Variants in EVL observed in about 807,000 individuals in gnomAD.
EVL encodes Enah/Vasp-like.
EVL carries 21 observed loss-of-function variants against 59.6 expected under a neutral mutation model. That is an observed-to-expected ratio of 0.35 (90% CI 0.25 to 0.51). The LOEUF is 0.51. Ranked by LOEUF, EVL falls within the 20% of genes least tolerant of loss-of-function variation. EVL has a pLI of 0.97. For missense variants in EVL, 462 were observed against 546.6 expected (o/e 0.85, Z 1.54); for synonymous variants, 198 against 203.5 (o/e 0.97, Z 0.23).
intron 3 of EVL, among the ~76,000 whole-genome samples, chr14:100,117,155 G>A (rs1027151422): frequency 2.6e-5 from 4 of 152,166 alleles, no homozygotes; most frequent in African/African-American, 4.8e-5. Flanking sequence ...CACCCTTTGG[G>A]AAGAAGACTT....
chr14:99,974,663 C>G (rs61997245), intron 1 of EVL: 1 of 152,508 alleles, frequency 6.6e-6, no homozygotes, highest in Non-Finnish European at 1.5e-5. Flanking sequence ...CAAGGAATGC[C>G]GTGGGGCTTG....
At chr14:100,078,779 C>G (rs927723505) in intron 1 of EVL, among the ~76,000 whole-genome samples, 2 of 152,116 alleles carry the variant, frequency 1.3e-5, no homozygotes, top group African/African-American at 4.8e-5. Flanking sequence ...CGGGATTATC[C>G]CAGTTTTAGT....
intron 4 of EVL, among the ~76,000 whole-genome samples, chr14:100,125,015 C>T (rs1274124364): frequency 6.6e-6 from 1 of 151,874 alleles, no homozygotes; most frequent in Non-Finnish European, 1.5e-5. Context: ...CACACACACA[C>T]ACCTGCCCCA....
At chr14:100,022,768 G>T (rs2061148013) in intron 1 of EVL, among the ~76,000 whole-genome samples, 1 of 152,136 alleles carries the variant, frequency 6.6e-6, no homozygotes, top group Non-Finnish European at 1.5e-5. Flanking sequence ...ATTTTAACCA[G>T]AACTTAAGGA....
At chr14:100,027,315 G>C in intron 1 of EVL, among the ~76,000 whole-genome samples, 1 of 151,966 alleles carries the variant, frequency 6.6e-6, no homozygotes, top group African/African-American at 2.4e-5. Flanking sequence ...AACTCTTGTT[G>C]CCCTATTGTA....
chr14:100,002,482 G>C (rs112233123), intron 1 of EVL, among the ~76,000 whole-genome samples: 1 of 152,054 alleles, frequency 6.6e-6, no homozygotes, highest in Non-Finnish European at 1.5e-5. Context: ...AGTCATACCA[G>C]AATTATAGGA....
chr14:100,058,547 C>CA (rs1443073957), intron 1 of EVL, among the ~76,000 whole-genome samples: 1 of 152,220 alleles, frequency 6.6e-6, no homozygotes, highest in African/African-American at 2.4e-5. Context: ...AATTGCGTCA[C>CA]AAGTGCCAAC....
chr14:100,087,286 C>T (rs2062466050), intron 2 of EVL, among the ~76,000 whole-genome samples: 1 of 152,094 alleles, frequency 6.6e-6, no homozygotes, highest in African/African-American at 2.4e-5. Flanking sequence ...GGGTGACAAA[C>T]CTAAAGGATT....
intron 1 of EVL, among the ~76,000 whole-genome samples, chr14:100,048,863 T>C (rs2061600249): frequency 6.6e-6 from 1 of 152,218 alleles, no homozygotes; most frequent in Non-Finnish European, 1.5e-5. Flanking sequence ...GTTGTATGAT[T>C]CTATTAACAT....
intron 8 of EVL, among the ~76,000 whole-genome samples, chr14:100,134,466 A>T (rs10148930): frequency 6.6e-6 from 1 of 151,978 alleles, no homozygotes; most frequent in African/African-American, 2.4e-5. Flanking sequence ...CTTGTTTTTC[A>T]CAGGCCCCTG....
chr14:100,090,995 TA>T (rs1039609123), intron 2 of EVL, among the ~76,000 whole-genome samples: 10 of 152,108 alleles, frequency 6.6e-5, no homozygotes, highest in Non-Finnish European at 2.9e-5. Flanking sequence ...AGTAATATAA[TA>T]ATATATACTA....
At position 100,135,885 on chromosome 14, in the gene EVL, T is replaced by G; in HGVS notation, c.901-20T>G. 6.2e-7 allele frequency: 1 copy of G among 1,613,730 alleles called. No individual in the cohort carries two copies. The highest frequency in any genetic ancestry group is 8.5e-7 in the Non-Finnish European group (1 of 1,179,776). ...CCCCAGGTGGCCTTCCTAAACAGAC[T>G]CCCTTCTTCTCCATTTTAGGAAGAT... On this transcript the variant is annotated intron_variant, in intron 8 of 13. Coordinates refer to ENST00000392920, the MANE Select transcript of EVL (RefSeq NM_016337.3).
intron 1 of EVL, among the ~76,000 whole-genome samples, chr14:100,079,096 C>T (rs2062232494): frequency 6.6e-6 from 1 of 152,150 alleles, no homozygotes; most frequent in Non-Finnish European, 1.5e-5. Flanking sequence ...GGTCTTTCTC[C>T]GCAGGCCTGG....
intron 1 of EVL, among the ~76,000 whole-genome samples, chr14:100,015,714 G>C (rs1339538880): frequency 6.6e-6 from 1 of 152,160 alleles, no homozygotes; most frequent in Non-Finnish European, 1.5e-5. Flanking sequence ...TCTTCAGCTG[G>C]AACTATTCTA....
upstream of EVL, among the ~76,000 whole-genome samples, chr14:100,062,430 A>T (rs1419760335): frequency 6.9e-6 from 1 of 144,244 alleles, no homozygotes; most frequent in Non-Finnish European, 1.6e-5. Context: ...AAAGACCTCT[A>T]AAAAAAAAAG....
chr14:100,053,841 G>A (rs2140251216), intron 1 of EVL, among the ~76,000 whole-genome samples: 1 of 152,068 alleles, frequency 6.6e-6, no homozygotes, highest in East Asian at 1.9e-4. Flanking sequence ...GTAAAGACAG[G>A]GTTTCACCAT....
At chr14:100,030,771 T>C (rs547171215) in intron 1 of EVL, among the ~76,000 whole-genome samples, 1 of 152,376 alleles carries the variant, frequency 6.6e-6, no homozygotes, top group East Asian at 1.9e-4. Context: ...TACAGTGTTT[T>C]CTGGCTAACT....
At chr14:100,050,061 G>A (rs887798683) in intron 1 of EVL, among the ~76,000 whole-genome samples, 13 of 152,256 alleles carry the variant, frequency 8.5e-5, no homozygotes, top group African/African-American at 3.1e-4. Flanking sequence ...CGCTCAAGGG[G>A]ACACAGATAT....
At chr14:100,079,300 G>A (rs1406549703) in intron 1 of EVL, among the ~76,000 whole-genome samples, 2 of 152,232 alleles carry the variant, frequency 1.3e-5, no homozygotes, top group Non-Finnish European at 2.9e-5. Context: ...AAATGGAGAG[G>A]ATTGTGAGTA....
Sources: allele counts gnomAD v4.1 joint callset (sites outside exome capture counted in the v4.1 genomes callset), GRCh38; gene constraint gnomAD v4.1.1; transcripts MANE v1.5; gene names NCBI Gene and HGNC (gene_info 2026-07-23, HGNC 2026-07-21).